CLUH: variants seen among roughly 807,000 people sequenced by gnomAD.
The protein encoded by CLUH is clustered mitochondria protein homolog.
A neutral mutation model predicts 139.3 loss-of-function variants in CLUH; 77 were observed. That is an observed-to-expected ratio of 0.55 (90% CI 0.46 to 0.67). The LOEUF is 0.67. Among genes scored for constraint, CLUH ranks in the 30% least tolerant of loss-of-function variants. The probability of loss-of-function intolerance (pLI) is 0.00; values close to 1 mark genes in which losing one functional copy is unlikely to be tolerated. For missense variants in CLUH, 1,876 were observed against 1,875.8 expected (o/e 1.00, Z 0.00); for synonymous variants, 999 against 801.6 (o/e 1.25, Z -4.16).
intron 3 of CLUH, 114 bp from the exon 4 acceptor site, chr17:2,702,171 T>C: frequency 7.6e-7 from 1 of 1,319,376 alleles, no homozygotes; most frequent in Non-Finnish European, 1.0e-6. Flanking sequence ...TTTTCAACTT[T>C]AGGTTTCCGT....
At chr17:2,696,567 G>T in intron 11 of CLUH, 29 bp from the exon 12 acceptor site, 3 of 1,544,576 alleles carry the variant, frequency 1.9e-6, no homozygotes, top group Non-Finnish European at 2.6e-6. Flanking sequence ...ATGAGACACG[G>T]GTCCCCTCTG....
At chr17:2,695,868 A>G (rs2069920847) in intron 13 of CLUH, 5 of 578,836 alleles carry the variant, frequency 8.6e-6, no homozygotes, top group Non-Finnish European at 1.5e-5. Flanking sequence ...CGGGAGGAGG[A>G]GGAGGATGGG....
intron 19 of CLUH, among the ~76,000 whole-genome samples, chr17:2,693,090 C>T (rs901733491): frequency 1.4e-5 from 2 of 139,680 alleles, no homozygotes; most frequent in African/African-American, 5.5e-5. Context: ...TTACACCCAA[C>T]AAAATCTCCA....
rs977385117 is a variant in CLUH at position 2,705,000 on chromosome 17, G to C, written c.101-436C>G. Among the ~76,000 whole-genome samples the C allele has an allele frequency of 2.6e-5, 4 of 152,004 alleles. No homozygotes were observed. The highest frequency in any genetic ancestry group is 5.9e-5 in the Non-Finnish European group (4 of 68,000). On this transcript the variant is annotated intron_variant, in intron 1 of 25. Transcript: ENST00000651024. This position sits in a 1 kb window ranked among gnomAD's most constrained non-coding sequence, Gnocchi z 5.7. ...CCTGAGCTGTGGTCCTGGGCTGCAG[G>C]GGGGCTGCAGGGGAGTGCCTAGGCC...
At chr17:2,699,553 C>A (rs1296775184) in intron 9 of CLUH, among the ~76,000 whole-genome samples, 1 of 152,144 alleles carries the variant, frequency 6.6e-6, no homozygotes, top group Non-Finnish European at 1.5e-5. Flanking sequence ...GTTTCCAACT[C>A]CTGGGCTCAA....
At chr17:2,698,832 T>G (rs2070072115) in intron 9 of CLUH, among the ~76,000 whole-genome samples, 1 of 151,972 alleles carries the variant, frequency 6.6e-6, no homozygotes. Flanking sequence ...CCACTTGAGG[T>G]CACGAGTTCG....
intron 16 of CLUH, 49 bp downstream of exon 16, chr17:2,694,799 TGGTGGCCGC>T: frequency 6.8e-7 from 1 of 1,461,234 alleles, no homozygotes; most frequent in South Asian, 1.4e-5. Flanking sequence ...TGGGAGCAGG[TGGTGGCCGC>T]CTCATCTGCC....
chr17:2,696,935 G>C lies in CLUH; in HGVS notation c.1969C>G (p.Leu657Val), dbSNP rs773792167. ...TGCAAGGCGGCCAGCTTCATAAAGA[G>C]GAGGTACCTGGAGCAGAGGAAACAG... The part of the protein sequence containing the change: ...VDAFVEHRYL[L>V]FMKLAALQLM... The change falls in exon 11 of 26, where the codon CTC becomes GTC. Residue 657 changes from leucine (L) to valine (V), a missense_variant. By Grantham distance (32) the Leu-to-Val change is conservative. Transcript: ENST00000651024. The C allele has an allele frequency of 1.3e-6, 2 of 1,578,022 alleles. No homozygotes were observed. The highest frequency in any genetic ancestry group is 1.7e-6 in the Non-Finnish European group (2 of 1,162,554).
Position 2,691,997 on chromosome 17 carries a change from C to CT in CLUH, c.3654+6_3654+7insA. The CT allele has an allele frequency of 1.5e-6, 2 of 1,329,182 alleles. 1 individual carries two copies. Among genetic ancestry groups the CT allele is most frequent in the South Asian group, 2.9e-5 (2 of 69,256 alleles). The allele number at this position is 1,329,182 out of a possible 1,614,324, so 82.3% of individuals were successfully genotyped here. ...GCCCCCGCCCCCGCCACGCCCCCGC[C>CT]GCGCACCTGCGTCTTGTAGATGGTG... On this transcript the variant is annotated splice_region_variant and intron_variant, in intron 23 of 25. Transcript: ENST00000651024.
At chr17:2,709,547 A>G (rs561674881) in intron 1 of CLUH, among the ~76,000 whole-genome samples, 1 of 152,180 alleles carries the variant, frequency 6.6e-6, no homozygotes, top group South Asian at 2.1e-4. Context: ...CCTCAACTCC[A>G]GGGAGCCCTC....
rs1249427209 is a variant in CLUH at position 2,707,501 on chromosome 17, C to T, written c.101-2937G>A. On this transcript the variant is annotated intron_variant, in intron 1 of 25. Coordinates refer to ENST00000651024, the MANE Select transcript of CLUH (RefSeq NM_001366661.1). This position sits in a 1 kb window ranked among gnomAD's most constrained non-coding sequence, Gnocchi z 7.4. The stretch of plus-strand genomic sequence containing the variant: ...CCCAGGGGGAGCTGCTATCAGCACT[C>T]AGGCCCACCTCCCTATGCCCCCTAG... 2 of 985,318 alleles carry T rather than the reference C, an allele frequency of 2.0e-6. No homozygotes were observed. Among genetic ancestry groups the T allele is most frequent in the South Asian group, 4.7e-5 (1 of 21,296 alleles). 61.0% of individuals were successfully genotyped at this position (985,318 alleles called of 1,614,324 possible). A position where few individuals can be genotyped will look rare whatever the true frequency, so the allele number is the denominator to read the frequency against.
rs1005396936 is a variant in CLUH, at chr17:2,690,661, C to T, written c.3980G>A (p.Gly1327Glu). Residue 1327 changes from glycine (G) to glutamate (E), a missense_variant, in exon 26 of 26, where the codon GGG becomes GAG. Gly to Glu is a moderately conservative substitution (Grantham distance 98). Around this residue, in one of 3 missense-constraint regions of CLUH, gnomAD observed 1,454 missense variants for 1,384.4 expected, o/e 1.05. Coordinates refer to ENST00000651024, the MANE Select transcript of CLUH (RefSeq NM_001366661.1). ...CTGGGAGCCCAGGTCTCCTGGGGCCCCCGCTGGCGCGGGCTCGGTAGCCAT... is the reference window on the plus strand; with the variant it reads ...CTGGGAGCCCAGGTCTCCTGGGGCCTCCGCTGGCGCGGGCTCGGTAGCCAT... ...EPMATEPAPAGAPGDLGSQPP... is the reference protein window; with the variant it reads ...EPMATEPAPAEAPGDLGSQPP... 4 of 1,543,210 alleles carry T rather than the reference C, an allele frequency of 2.6e-6. No individual in the cohort carries two copies. Among genetic ancestry groups the T allele is most frequent in the Non-Finnish European group, 3.5e-6 (4 of 1,151,846 alleles).
intron 1 of CLUH, among the ~76,000 whole-genome samples, chr17:2,705,322 G>C (rs1346454534): frequency 6.6e-6 from 1 of 152,062 alleles, no homozygotes; most frequent in Non-Finnish European, 1.5e-5. Flanking sequence ...TATTTCAGCA[G>C]TGCCACCTGC....
In CLUH at chr17:2,697,893, C is replaced by A; in HGVS notation, c.1961+3G>T. 1 of 1,492,444 alleles carries A rather than the reference C, an allele frequency of 6.7e-7. No homozygotes were observed. The highest frequency in any genetic ancestry group is 8.9e-7 in the Non-Finnish European group (1 of 1,120,986). The allele number at this position is 1,492,444 out of a possible 1,614,324, so 92.5% of individuals were successfully genotyped here. On this transcript the variant is annotated splice_donor_region_variant and intron_variant, in intron 10 of 25. Coordinates refer to ENST00000651024, the MANE Select transcript of CLUH (RefSeq NM_001366661.1). ...GCCCTGGTCCGGCAGGGCCGCCCCT[C>A]ACCTGTGCTCCACGAAGGCGTCCAC...
At chr17:2,698,638 C>T in intron 9 of CLUH, 48 bp from the exon 10 acceptor site, 1 of 1,477,118 alleles carries the variant, frequency 6.8e-7, no homozygotes. Flanking sequence ...CCCACAAGAG[C>T]CTGCATCCAC....
In CLUH at chr17:2,696,873, G is replaced by C. The variant is rs199931367; in HGVS notation, c.2031C>G (p.Pro677=). 6.2e-7 allele frequency: 1 copy of C among 1,613,122 alleles called. No homozygotes were observed. The highest frequency in any genetic ancestry group is 1.3e-5 in the African/African-American group (1 of 75,062). ...AAGGACCACCATTTTCCAGGGAGGA[G>C]GGGGTCTCCAGCTGGCTGGCGTTCT... ...MQQNASQLET[P]SSLENGGPSS... Residue 677 remains proline, a synonymous_variant, in exon 11 of 26, where the codon CCC becomes CCG. Transcript: ENST00000651024.
intron 3 of CLUH, 94 bp from the exon 4 acceptor site, chr17:2,702,151 G>A (rs2070210072): frequency 1.4e-6 from 2 of 1,444,368 alleles, no homozygotes; most frequent in Non-Finnish European, 1.9e-6. Flanking sequence ...TGCTAACACA[G>A]TGGTTTTAAT....
intron 21 of CLUH, 33 bp from the exon 22 acceptor site, chr17:2,692,515 T>C: frequency 6.3e-7 from 1 of 1,597,408 alleles, no homozygotes; most frequent in Non-Finnish European, 8.5e-7. Context: ...CCTGGTCAGC[T>C]CCCGGTCCCC....
intron 19 of CLUH, 167 bp from the exon 20 acceptor site, chr17:2,693,027 C>A: frequency 3.7e-6 from 2 of 544,378 alleles, no homozygotes; most frequent in East Asian, 3.2e-5. Context: ...GCAGCTGCTG[C>A]CACACCTTGA....
Sources: allele counts gnomAD v4.1 joint callset (sites outside exome capture counted in the v4.1 genomes callset), GRCh38; gene constraint gnomAD v4.1.1; regional missense constraint gnomAD v4.1.1; non-coding constraint Gnocchi (gnomAD v3.1); transcripts MANE v1.5; gene names NCBI Gene and HGNC (gene_info 2026-07-23, HGNC 2026-07-21).